HOOK3: variants seen among roughly 807,000 people sequenced by gnomAD.
HOOK3 encodes hook microtubule tethering protein 3, also known as protein Hook homolog 3.
In HOOK3, 24 loss-of-function variants were observed where a neutral mutation model predicts 116.3. That is an observed-to-expected ratio of 0.21 (90% CI 0.15 to 0.29). HOOK3 has a LOEUF of 0.29. Among genes scored for constraint, HOOK3 ranks in the 10% least tolerant of loss-of-function variants. The pLI, the probability that HOOK3 is intolerant of heterozygous loss-of-function variation, is 1.00. For missense variants in HOOK3, 632 were observed against 830.2 expected (o/e 0.76, Z 2.93); for synonymous variants, 275 against 283.0 (o/e 0.97, Z 0.28).
Position 42,986,774 on chromosome 8 carries a change from A to C in HOOK3, c.1511A>C (p.Asn504Thr). Reference sequence around the variant, plus strand: ...CTAGATGATGCAAATCTACGCAAGAATGAACTGGAGACAGAGAATAGGTAG... The same window carrying C: ...CTAGATGATGCAAATCTACGCAAGACTGAACTGGAGACAGAGAATAGGTAG... ...SLLDDANLRK[N>T]ELETENRLVN... The change falls in exon 15 of 22, where the codon AAT (asparagine) becomes ACT (threonine). Residue 504 changes from asparagine (N) to threonine (T), a missense_variant. By Grantham distance (65) the Asn-to-Thr change is moderately conservative (BLOSUM62 0). Coordinates refer to ENST00000307602, the MANE Select transcript of HOOK3 (RefSeq NM_032410.4). 1 of 1,613,774 alleles carries C rather than the reference A, an allele frequency of 6.2e-7. No homozygotes were observed. The highest frequency in any genetic ancestry group is 8.5e-7 in the Non-Finnish European group (1 of 1,179,850).
chr8:43,013,186 TG>T (rs773320095), intron 20 of HOOK3, 31 bp downstream of exon 20: 7 of 1,502,854 alleles, frequency 4.7e-6, no homozygotes, highest in Non-Finnish European at 6.4e-6. Flanking sequence ...ATAAAATAAT[TG>T]TGTTTTGATT....
chr8:42,924,951 T>G (rs1208296514), intron 2 of HOOK3, among the ~76,000 whole-genome samples: 1 of 151,810 alleles, frequency 6.6e-6, no homozygotes, highest in Non-Finnish European at 1.5e-5. Flanking sequence ...CCAGCCTGCC[T>G]GAGTGACGGA....
At chr8:43,007,605 C>G (rs995878066) in intron 17 of HOOK3, among the ~76,000 whole-genome samples, 1 of 152,080 alleles carries the variant, frequency 6.6e-6, no homozygotes, top group African/African-American at 2.4e-5. Flanking sequence ...AAAATGTATA[C>G]CCTCTCTTTA....
intron 12 of HOOK3, 116 bp downstream of exon 12, chr8:42,973,515 ATTTAT>A: frequency 1.5e-6 from 1 of 680,356 alleles, no homozygotes; most frequent in Non-Finnish European, 2.3e-6. Flanking sequence ...TAGAAATCCT[ATTTAT>A]TTTTAAGCTG....
chr8:42,974,561 T>G (rs1336942967), intron 13 of HOOK3, among the ~76,000 whole-genome samples: 3 of 152,232 alleles, frequency 2.0e-5, no homozygotes, highest in Non-Finnish European at 4.4e-5. Flanking sequence ...TCTAGTAGTA[T>G]AAATAAAACT....
rs1808593837 is a variant in HOOK3 at position 42,964,406 on chromosome 8, C to G, written c.711C>G (p.Asn237Lys). ...AATCTGATTCTATAGAAGACCCTAA[C>G]AGTCCAGCAGGAAGAAGGCATTTGC... ...LNQSDSIEDP[N>K]SPAGRRHLQL... is the part of the protein sequence containing the mutation. Residue 237 changes from asparagine to lysine, a missense_variant, in exon 9 of 22, where the codon AAC becomes AAG. Coordinates refer to ENST00000307602, the MANE Select transcript of HOOK3 (RefSeq NM_032410.4). 2 of 1,613,972 alleles carry G rather than the reference C, an allele frequency of 1.2e-6. No homozygotes were observed. The highest frequency in any genetic ancestry group is 1.3e-5 in the African/African-American group (1 of 74,908).
Position 43,024,464 on chromosome 8 carries a change from T to C in HOOK3, c.*5966T>C, listed in dbSNP as rs574474597. 335 of 186,496 alleles carry C rather than the reference T, an allele frequency of 1.8e-3. 3 individuals carry two copies. Among genetic ancestry groups the C allele is most frequent in the Non-Finnish European group, 3.3e-4 (29 of 88,184 alleles). 11.6% of individuals were successfully genotyped at this position (186,496 alleles called of 1,614,324 possible). ...AGGATTTTCCATTCAATAAGGATAA[T>C]CTCTCTTCCTATCATTCTGTCAAAA... On this transcript the variant is annotated 3_prime_UTR_variant, in exon 22 of 22. Transcript: ENST00000307602.
intron 15 of HOOK3, among the ~76,000 whole-genome samples, chr8:42,988,532 G>A (rs73675445): frequency 6.6e-6 from 1 of 152,118 alleles, no homozygotes; most frequent in Non-Finnish European, 1.5e-5. Context: ...CCAAGTTCCT[G>A]TGTGACTTAC....
chr8:42,910,956 A>G (rs763495779), intron 2 of HOOK3, among the ~76,000 whole-genome samples: 41 of 152,372 alleles, frequency 2.7e-4, no homozygotes, highest in Non-Finnish European at 4.3e-4. Context: ...GACAAAGTAA[A>G]GGTAATTTAA....
intron 9 of HOOK3, among the ~76,000 whole-genome samples, chr8:42,966,113 T>C (rs1175153030): frequency 6.6e-6 from 1 of 152,160 alleles, no homozygotes; most frequent in Non-Finnish European, 1.5e-5. Flanking sequence ...TCATAAAGAG[T>C]ATGTTGTTTT....
chr8:42,946,121 CT>C (rs1808220583), intron 5 of HOOK3, among the ~76,000 whole-genome samples: 1 of 152,058 alleles, frequency 6.6e-6, no homozygotes, highest in African/African-American at 2.4e-5. Context: ...AAATATTGAA[CT>C]TATACATTAC....
intron 4 of HOOK3, among the ~76,000 whole-genome samples, chr8:42,938,739 G>C (rs1289676074): frequency 7.0e-6 from 1 of 143,230 alleles, no homozygotes; most frequent in Non-Finnish European, 1.5e-5. Flanking sequence ...TATTTTTATT[G>C]ATCATTCTTG....
chr8:42,966,462 A>G lies in HOOK3; in HGVS notation c.780-11A>G, dbSNP rs1808634593. ...ATAGTGCTTTCTTGGTCTATTTTATATCGGTTACAGACTAGAAGCAGCCAA... is the reference window on the plus strand; with the variant it reads ...ATAGTGCTTTCTTGGTCTATTTTATGTCGGTTACAGACTAGAAGCAGCCAA... On this transcript the variant is annotated splice_polypyrimidine_tract_variant and intron_variant, in intron 9 of 21. Coordinates refer to ENST00000307602, the MANE Select transcript of HOOK3 (RefSeq NM_032410.4). 2 of 1,613,732 alleles carry G rather than the reference A, an allele frequency of 1.2e-6. No individual in the cohort carries two copies. Among genetic ancestry groups the G allele is most frequent in the African/African-American group, 1.3e-5 (1 of 75,044 alleles).
intron 1 of HOOK3, among the ~76,000 whole-genome samples, chr8:42,904,568 C>T (rs1315997812): frequency 6.6e-6 from 1 of 152,120 alleles, no homozygotes; most frequent in Admixed American, 6.5e-5. Context: ...GACTCCGCCT[C>T]CCAAAGTGCT....
intron 1 of HOOK3, 129 bp from the exon 2 acceptor site, chr8:42,906,044 G>GCCATTGCACTC (rs1807299723): frequency 2.9e-6 from 2 of 687,090 alleles, no homozygotes; most frequent in Admixed American, 5.3e-5. Flanking sequence ...CCAAGATGGG[G>GCCATTGCACTC]CCATTGCACT....
At chr8:42,979,900 G>A (rs1808903833) in intron 13 of HOOK3, among the ~76,000 whole-genome samples, 1 of 151,196 alleles carries the variant, frequency 6.6e-6, no homozygotes, top group South Asian at 2.1e-4. Flanking sequence ...CCTCATTGCT[G>A]CCTTGCTGTT....
rs946503051 is a variant in HOOK3, at chr8:43,029,394, C to T, written c.*10896C>T. 5 of 170,432 alleles carry T rather than the reference C, an allele frequency of 2.9e-5. No homozygotes were observed. The highest frequency in any genetic ancestry group is 3.8e-5 in the Non-Finnish European group (3 of 78,466). 10.6% of individuals were successfully genotyped at this position (170,432 alleles called of 1,614,324 possible). A position where few individuals can be genotyped will look rare whatever the true frequency, so the allele number is the denominator to read the frequency against. On this transcript the variant is annotated 3_prime_UTR_variant, in exon 22 of 22. Transcript: ENST00000307602. ...CGATCTCTTGATCTCGTGATCTGCCCGCATTGGCCTCCTGAAGTGCTGGGA... is the reference window on the plus strand; with the variant it reads ...CGATCTCTTGATCTCGTGATCTGCCTGCATTGGCCTCCTGAAGTGCTGGGA...
intron 6 of HOOK3, among the ~76,000 whole-genome samples, chr8:42,954,195 G>A (rs1808395454): frequency 6.6e-6 from 1 of 152,126 alleles, no homozygotes; most frequent in Non-Finnish European, 1.5e-5. Flanking sequence ...AAATTAAGAT[G>A]AGGGAAAACA....
At chr8:42,997,303 A>G (rs189525553) in intron 15 of HOOK3, among the ~76,000 whole-genome samples, 4 of 152,352 alleles carry the variant, frequency 2.6e-5, no homozygotes. Context: ...ATGCATAAGT[A>G]CATTGGTTCT....
Sources: allele counts gnomAD v4.1 joint callset (sites outside exome capture counted in the v4.1 genomes callset), GRCh38; gene constraint gnomAD v4.1.1; transcripts MANE v1.5; gene names NCBI Gene and HGNC (gene_info 2026-07-23, HGNC 2026-07-21).